The following VTI1A variants were observed in gnomAD, a reference collection of about 807,000 sequenced individuals.
VTI1A encodes the protein vesicle transport through interaction with t-SNAREs 1A.
Under a neutral mutation model 34.9 loss-of-function variants are expected in VTI1A, and 22 were observed. That is an observed-to-expected ratio of 0.63 (90% CI 0.45 to 0.90). The LOEUF (loss-of-function observed/expected upper bound fraction) is 0.90. Among genes scored for constraint, VTI1A ranks in the 40% least tolerant of loss-of-function variants. The pLI is 0.00. For synonymous variants in VTI1A, 87 were observed against 97.3 expected (o/e 0.89, Z 0.62); for missense variants, 268 against 275.6 (o/e 0.97, Z 0.20).
At chr10:112,849,285 C>G in the VTI1A span, among the ~76,000 whole-genome samples, 1 of 152,236 alleles carries the variant, frequency 6.6e-6, no homozygotes, top group Admixed American at 6.5e-5. Flanking sequence ...GAGCCCTCCA[C>G]CTGCTGGAGA....
chr10:112,842,050 C>CTT, the VTI1A span, among the ~76,000 whole-genome samples: 15 of 93,164 alleles, frequency 1.6e-4, no homozygotes, highest in South Asian at 3.5e-4. Flanking sequence ...TTTTTTTTTT[C>CTT]CTTTTTTTTT....
chr10:112,531,079 A>ACACACT (rs1196729600), intron 4 of VTI1A, among the ~76,000 whole-genome samples: 1 of 147,696 alleles, frequency 6.8e-6, no homozygotes, highest in Non-Finnish European at 1.5e-5. Context: ...ACACACACAC[A>ACACACT]CACACACACA....
intron 3 of VTI1A, among the ~76,000 whole-genome samples, chr10:112,471,033 A>G (rs1439368495): frequency 3.9e-5 from 6 of 152,192 alleles, no homozygotes; most frequent in Non-Finnish European, 5.9e-5. Flanking sequence ...TTACTTAACT[A>G]ATATTGATTT....
chr10:112,801,537 C>T (rs1190767215), intron 7 of VTI1A, among the ~76,000 whole-genome samples: 1 of 152,186 alleles, frequency 6.6e-6, no homozygotes, highest in Non-Finnish European at 1.5e-5. Context: ...GTGAGTCTAG[C>T]TAGTTCTTCC....
At chr10:112,718,368 G>A (rs546058877) in intron 7 of VTI1A, among the ~76,000 whole-genome samples, 1 of 152,304 alleles carries the variant, frequency 6.6e-6, no homozygotes, top group East Asian at 1.9e-4. Flanking sequence ...CCCAGATTTT[G>A]GGCTCAAGGA....
chr10:112,696,273 G>C (rs1015667921), intron 7 of VTI1A, among the ~76,000 whole-genome samples: 2 of 152,062 alleles, frequency 1.3e-5, no homozygotes, highest in Non-Finnish European at 2.9e-5. Flanking sequence ...CTGACTAACA[G>C]TTCTAGCTGG....
intron 5 of VTI1A, among the ~76,000 whole-genome samples, chr10:112,615,240 C>T (rs930225254): frequency 3.3e-5 from 5 of 152,148 alleles, no homozygotes; most frequent in African/African-American, 1.2e-4. Context: ...AATAAACTGT[C>T]ACAGTAGTTT....
chr10:112,464,808 G>A, intron 3 of VTI1A, 151 bp downstream of exon 3: 1 of 657,854 alleles, frequency 1.5e-6, no homozygotes, highest in Non-Finnish European at 2.6e-6. Context: ...TCTAAAAAAT[G>A]GTTATAGAGA....
At chr10:112,554,922 G>T (rs1241641971) in intron 5 of VTI1A, among the ~76,000 whole-genome samples, 1 of 152,004 alleles carries the variant, frequency 6.6e-6, no homozygotes, top group African/African-American at 2.4e-5. Flanking sequence ...GATGTATATG[G>T]GGACATGGTC....
the VTI1A span, among the ~76,000 whole-genome samples, chr10:112,841,935 C>T: frequency 1.3e-5 from 2 of 151,432 alleles, no homozygotes; most frequent in African/African-American, 2.4e-5. Flanking sequence ...AGCCCAAGGC[C>T]GGTGGAGGCA....
At chr10:112,498,155 T>C (rs1849093030) in intron 3 of VTI1A, among the ~76,000 whole-genome samples, 1 of 152,184 alleles carries the variant, frequency 6.6e-6, no homozygotes, top group Admixed American at 6.5e-5. Flanking sequence ...GAGTTCTTAT[T>C]TAAAACAAGT....
At chr10:112,509,767 A>T (rs1410653908) in intron 3 of VTI1A, among the ~76,000 whole-genome samples, 2 of 152,346 alleles carry the variant, frequency 1.3e-5, no homozygotes, top group East Asian at 1.9e-4. Context: ...GCAGCTGTTT[A>T]TTGATCTCTA....
intron 1 of VTI1A, among the ~76,000 whole-genome samples, chr10:112,454,681 A>G (rs184743522): frequency 1.1e-3 from 164 of 151,028 alleles, no homozygotes; most frequent in Non-Finnish European, 1.7e-3. Flanking sequence ...ACTTATGTGT[A>G]TGTACATCAG....
At chr10:112,538,528 C>A in intron 5 of VTI1A, 198 bp downstream of exon 5, 1 of 529,406 alleles carries the variant, frequency 1.9e-6, no homozygotes, top group Non-Finnish European at 3.4e-6. Context: ...GAAAACAGTT[C>A]CTGAGGTTTA....
At chr10:112,719,744 C>G (rs1849735328) in intron 7 of VTI1A, among the ~76,000 whole-genome samples, 1 of 152,130 alleles carries the variant, frequency 6.6e-6, no homozygotes, top group Non-Finnish European at 1.5e-5. Context: ...CGGGGTTTCT[C>G]CATGTTGGTC....
chr10:112,493,276 A>T (rs1197989934), intron 3 of VTI1A, among the ~76,000 whole-genome samples: 1 of 152,000 alleles, frequency 6.6e-6, no homozygotes, highest in Non-Finnish European at 1.5e-5. Context: ...TTGTTAGTAC[A>T]TGGAAATACA....
Position 112,626,981 on chromosome 10 carries a change from G to A in VTI1A, c.428-41237G>A, listed in dbSNP as rs147712816. ...GCAAACACAGCTTGCTGAAATATTC[G>A]TCCACTAATAGCCAATTAATTAAAC... On this transcript the variant is annotated intron_variant, in intron 5 of 7. Transcript: ENST00000393077. Among the ~76,000 whole-genome samples the A allele has an allele frequency of 2.7e-3, 407 of 152,206 alleles. 2 individuals carry two copies. The highest frequency in any genetic ancestry group is 7.0e-3 in the African/African-American group (291 of 41,546).
chr10:112,539,689 C>T lies in VTI1A; in HGVS notation c.427+1359C>T, dbSNP rs145140483. 2.1e-4 allele frequency among the ~76,000 whole-genome samples: 32 copies of T among 152,164 alleles called. 1 individual carries two copies. In the East Asian group the frequency reaches 4.8e-3, roughly 23 times the overall value. ...TGTTTGTGTGACCTTGAGGAGATCA[C>T]GTAACCTCGCTGAGCCTCAGTTTCT... is the stretch of plus-strand genomic sequence containing the variant. On this transcript the variant is annotated intron_variant, in intron 5 of 7. Coordinates refer to ENST00000393077, the MANE Select transcript of VTI1A (RefSeq NM_145206.4).
intron 7 of VTI1A, among the ~76,000 whole-genome samples, chr10:112,684,986 C>T (rs1367455534): frequency 6.6e-6 from 1 of 152,128 alleles, no homozygotes; most frequent in African/African-American, 2.4e-5. Context: ...GAACCATTGT[C>T]TTCTGGCATT....
Sources: gnomAD v4.1 joint callset for allele counts (sites outside exome capture counted in the v4.1 genomes callset) on GRCh38, gnomAD v4.1.1 for gene constraint, MANE v1.5 for transcripts, NCBI Gene and HGNC (gene_info 2026-07-23, HGNC 2026-07-21) for gene names.